The following TBC1D14 variants were observed in gnomAD, a reference collection of about 807,000 sequenced individuals.
TBC1D14 encodes TBC1 domain family, member 14.
TBC1D14 carries 26 observed loss-of-function variants against 79.0 expected under a neutral mutation model. The observed-to-expected ratio is 0.33, with a 90% CI of 0.24 to 0.46. The LOEUF is 0.46. TBC1D14 is among the 20% of genes least tolerant of loss of function. The pLI is 1.00. For missense variants in TBC1D14, 769 were observed against 887.6 expected (o/e 0.87, Z 1.70); for synonymous variants, 394 against 349.9 (o/e 1.13, Z -1.40).
At chr4:6,918,123 A>G (rs1167952331) in intron 1 of TBC1D14, among the ~76,000 whole-genome samples, 1 of 152,150 alleles carries the variant, frequency 6.6e-6, no homozygotes, top group Non-Finnish European at 1.5e-5. Flanking sequence ...AGAGGAGTAG[A>G]AAAAGGTTTT....
intron 13 of TBC1D14, among the ~76,000 whole-genome samples, chr4:7,030,123 C>T (rs1342116970): frequency 1.3e-5 from 2 of 152,180 alleles, no homozygotes; most frequent in Non-Finnish European, 1.5e-5. Context: ...GCAGCTAGCT[C>T]ACCAGGCCAG....
chr4:7,028,737 A>C (rs1722733656), intron 13 of TBC1D14, among the ~76,000 whole-genome samples: 1 of 151,854 alleles, frequency 6.6e-6, no homozygotes, highest in African/African-American at 2.4e-5. Context: ...GGCATCAGTA[A>C]CTTTTATACA....
rs996178176 is a variant in TBC1D14, at chr4:7,017,072, G to A, written c.1757+2515G>A. 4.6e-5 allele frequency among the ~76,000 whole-genome samples: 7 copies of A among 152,150 alleles called. No homozygotes were observed. The South Asian group carries it at 1.0e-3, about 22-fold the overall frequency. The stretch of plus-strand genomic sequence containing the variant: ...TCCCAGCACTTTGGGAGGCCCAGGC[G>A]GGCAGATCACATGAGGTCAGGAGTT... On this transcript the variant is annotated intron_variant, in intron 12 of 13. Coordinates refer to ENST00000409757, the MANE Select transcript of TBC1D14 (RefSeq NM_020773.3).
At chr4:6,917,543 C>T (rs958439734) in intron 1 of TBC1D14, among the ~76,000 whole-genome samples, 6 of 152,006 alleles carry the variant, frequency 3.9e-5, no homozygotes, top group Admixed American at 6.6e-5. Context: ...CGATGGCCTA[C>T]CTGGGAGAGC....
At chr4:6,958,376 TACACAC>T (rs60999179) in intron 2 of TBC1D14, among the ~76,000 whole-genome samples, 10 of 149,112 alleles carry the variant, frequency 6.7e-5, no homozygotes, top group South Asian at 2.1e-4. Flanking sequence ...TCCCCACATA[TACACAC>T]ACACACACAC....
chr4:6,955,382 G>A (rs940115278), intron 2 of TBC1D14, among the ~76,000 whole-genome samples: 3 of 152,214 alleles, frequency 2.0e-5, no homozygotes, highest in Non-Finnish European at 4.4e-5. Flanking sequence ...TGTCCTGTCC[G>A]TACGGTGGCG....
rs1476797254 is a variant in TBC1D14 at position 6,984,919 on chromosome 4, C to T, written c.844-9265C>T. On this transcript the variant is annotated intron_variant, in intron 3 of 13. Transcript: ENST00000409757. Reference sequence around the variant, plus strand: ...CTGCAGGCGGGTGGCCCGTTGTGTACGATTGTGAACGCCGAAGAGATGGTG... The same window carrying T: ...CTGCAGGCGGGTGGCCCGTTGTGTATGATTGTGAACGCCGAAGAGATGGTG... 7.2e-5 allele frequency among the ~76,000 whole-genome samples: 11 copies of T among 152,272 alleles called. No homozygotes were observed. In the South Asian group the frequency reaches 1.7e-3, roughly 23 times the overall value.
intron 3 of TBC1D14, among the ~76,000 whole-genome samples, chr4:6,967,675 A>AG (rs1715822532): frequency 6.6e-6 from 1 of 152,264 alleles, no homozygotes; most frequent in Non-Finnish European, 1.5e-5. Flanking sequence ...AATGGTATTT[A>AG]GACAGAGCTG....
In TBC1D14 at chr4:6,923,599, C is replaced by T. The variant is rs200312732; in HGVS notation, c.210C>T (p.Thr70=). The part of the protein sequence containing the change: ...SLQSVDSGIP[T]LEIGNPEPVP... The stretch of plus-strand genomic sequence containing the variant: ...AGTCCGTGGACTCGGGGATTCCTAC[C>T]CTGGAGATCGGGAACCCGGAGCCTG... Residue 70 remains threonine (T), a synonymous_variant, in exon 2 of 14, where the codon ACC becomes ACT. Coordinates refer to ENST00000409757, the MANE Select transcript of TBC1D14 (RefSeq NM_020773.3). 2 of 1,613,940 alleles carry T rather than the reference C, an allele frequency of 1.2e-6. No homozygotes were observed. Among genetic ancestry groups the T allele is most frequent in the African/African-American group, 1.3e-5 (1 of 74,942 alleles).
chr4:6,924,329 C>T (rs1724109682), intron 2 of TBC1D14, among the ~76,000 whole-genome samples: 1 of 152,204 alleles, frequency 6.6e-6, no homozygotes, highest in African/African-American at 2.4e-5. Context: ...CATTTGCAGT[C>T]TGTTGTCACA....
chr4:6,915,444 G>A (rs1723322742), intron 1 of TBC1D14, among the ~76,000 whole-genome samples: 1 of 152,204 alleles, frequency 6.6e-6, no homozygotes, highest in African/African-American at 2.4e-5. Context: ...AGGGTGAGGT[G>A]AGCAGAGGTG....
chr4:6,985,423 A>C (rs532078653), intron 3 of TBC1D14, among the ~76,000 whole-genome samples: 1 of 152,384 alleles, frequency 6.6e-6, no homozygotes, highest in Non-Finnish European at 1.5e-5. Context: ...GATCAAGGTC[A>C]AAGATTTATT....
chr4:6,910,798 C>G (rs1722925065), intron 1 of TBC1D14, among the ~76,000 whole-genome samples: 1 of 152,150 alleles, frequency 6.6e-6, no homozygotes, highest in Non-Finnish European at 1.5e-5. Context: ...GCATAGGACG[C>G]CGTTTTCTCT....
rs201307540 is a variant in TBC1D14 at position 6,949,173 on chromosome 4, CA to C, written c.723-18122del. On this transcript the variant is annotated intron_variant, in intron 2 of 13. Transcript: ENST00000409757. ...AGGGCAACAGAGTGAGAATCTGTCTCAAAAAAAAAGGCTGGGCGCAGCGGCT... is the reference window on the plus strand; with the variant it reads ...AGGGCAACAGAGTGAGAATCTGTCTCAAAAAAAAGGCTGGGCGCAGCGGCT... Among the ~76,000 whole-genome samples the C allele has an allele frequency of 8.0e-5, 12 of 150,302 alleles. No individual in the cohort carries two copies. The South Asian group carries it at 2.1e-3, about 27-fold the overall frequency.
chr4:6,975,849 T>C (rs925656942), intron 3 of TBC1D14, among the ~76,000 whole-genome samples: 1 of 152,230 alleles, frequency 6.6e-6, no homozygotes, highest in East Asian at 1.9e-4. Context: ...TCCCAGCACT[T>C]TGGGAGGCTG....
At chr4:6,993,636 T>C (rs969854662) in intron 3 of TBC1D14, among the ~76,000 whole-genome samples, 2 of 152,170 alleles carry the variant, frequency 1.3e-5, no homozygotes, top group Non-Finnish European at 2.9e-5. Context: ...GCTTTGATAA[T>C]GAGATCCTTT....
intron 2 of TBC1D14, among the ~76,000 whole-genome samples, chr4:6,955,329 A>G (rs979712063): frequency 6.6e-6 from 1 of 152,148 alleles, no homozygotes; most frequent in African/African-American, 2.4e-5. Flanking sequence ...CAGGATTGCT[A>G]TGTCCCTTCA....
chr4:6,964,192 C>T (rs1577093029), intron 2 of TBC1D14, among the ~76,000 whole-genome samples: 1 of 152,222 alleles, frequency 6.6e-6, no homozygotes, highest in East Asian at 1.9e-4. Context: ...GTTTCTGTTC[C>T]TCTTAGTCGT....
At chr4:7,007,679 T>C (rs1165012483) in intron 9 of TBC1D14, 1 of 1,134,078 alleles carries the variant, frequency 8.8e-7, no homozygotes, top group African/African-American at 1.6e-5. Context: ...TTGACTTAGC[T>C]GGGAGCCTGT....
Sources: gnomAD v4.1 joint callset for allele counts (sites outside exome capture counted in the v4.1 genomes callset) on GRCh38, gnomAD v4.1.1 for gene constraint, MANE v1.5 for transcripts, NCBI Gene and HGNC (gene_info 2026-07-23, HGNC 2026-07-21) for gene names.